Variants in WWOX observed in about 807,000 individuals in gnomAD.
WWOX encodes the protein WW domain containing oxidoreductase, also known as WW domain-containing oxidoreductase.
Under a neutral mutation model 46.2 loss-of-function variants are expected in WWOX, and 69 were observed. That is an observed-to-expected ratio of 1.49 (90% CI 1.23 to 1.82). The LOEUF is 1.82. WWOX is among the 40% of genes most tolerant of loss of function. The pLI, the probability that WWOX is intolerant of heterozygous loss-of-function variation, is 0.00. For missense variants in WWOX, 919 were observed against 542.6 expected, an observed-to-expected ratio of 1.69 and a Z score of -6.89; for synonymous variants, 359 against 202.6, an observed-to-expected ratio of 1.77 and a Z score of -6.56.
At chr16:78,150,302 C>A (rs1055801764) in intron 4 of WWOX, among the ~76,000 whole-genome samples, 1 of 152,184 alleles carries the variant, frequency 6.6e-6, no homozygotes, top group Admixed American at 6.5e-5. Flanking sequence ...ATACCCCCTC[C>A]CGGCATGCCC....
intron 8 of WWOX, among the ~76,000 whole-genome samples, chr16:79,170,312 C>T (rs746785941): frequency 6.6e-6 from 1 of 152,152 alleles, no homozygotes; most frequent in East Asian, 1.9e-4. Flanking sequence ...ATCAGAGAAG[C>T]TACGTGATCT....
intron 6 of WWOX, among the ~76,000 whole-genome samples, chr16:78,390,796 T>G (rs2082159435): frequency 6.6e-6 from 1 of 152,184 alleles, no homozygotes; most frequent in Non-Finnish European, 1.5e-5. Context: ...GTGTAAAACA[T>G]AATGACAAAT....
intron 8 of WWOX, among the ~76,000 whole-genome samples, chr16:79,027,153 G>A (rs1315257084): frequency 2.0e-5 from 3 of 151,208 alleles, no homozygotes; most frequent in Non-Finnish European, 4.4e-5. Context: ...GGTGGTACAT[G>A]CCTGTAGTCC....
chr16:78,488,077 T>C (rs1202852708), intron 8 of WWOX, among the ~76,000 whole-genome samples: 6 of 152,184 alleles, frequency 3.9e-5, no homozygotes, highest in Non-Finnish European at 7.3e-5. Context: ...TCCAGCCTAT[T>C]TTCTGAGCTG....
At chr16:79,133,067 A>G (rs1434575950) in intron 8 of WWOX, among the ~76,000 whole-genome samples, 2 of 152,184 alleles carry the variant, frequency 1.3e-5, no homozygotes, top group East Asian at 1.9e-4. Context: ...AAACACATAC[A>G]TGCAAGTGAC....
At chr16:78,597,874 C>T (rs957593536) in intron 8 of WWOX, among the ~76,000 whole-genome samples, 7 of 151,514 alleles carry the variant, frequency 4.6e-5, no homozygotes, top group South Asian at 2.1e-4. Flanking sequence ...TTATTCCCCT[C>T]GTCAGCATAC....
intron 8 of WWOX, among the ~76,000 whole-genome samples, chr16:78,628,942 G>T (rs1045652389): frequency 2.6e-5 from 4 of 152,116 alleles, no homozygotes; most frequent in Non-Finnish European, 5.9e-5. Context: ...TTTAGGAGAT[G>T]TTTCCGTTCT....
chr16:78,294,893 A>G (rs2151862926), intron 5 of WWOX, among the ~76,000 whole-genome samples: 1 of 152,142 alleles, frequency 6.6e-6, no homozygotes, highest in East Asian at 1.9e-4. Flanking sequence ...AAATGAATGA[A>G]TGTATGAGTG....
chr16:78,180,441 G>A (rs1477956999), intron 5 of WWOX, among the ~76,000 whole-genome samples: 5 of 152,078 alleles, frequency 3.3e-5, no homozygotes, highest in Non-Finnish European at 7.4e-5. Context: ...GGGGGTATAT[G>A]TTAGGGCTAG....
chr16:78,269,807 G>A lies in WWOX; in HGVS notation c.516+105518G>A, dbSNP rs185592255. Among the ~76,000 whole-genome samples the A allele has an allele frequency of 2.5e-3, 377 of 151,968 alleles. 2 individuals carry two copies. Among genetic ancestry groups the A allele is most frequent in the Non-Finnish European group, 3.1e-3 (212 of 67,988 alleles). On this transcript the variant is annotated intron_variant, in intron 5 of 8. Coordinates refer to ENST00000566780, the MANE Select transcript of WWOX (RefSeq NM_016373.4). Reference sequence around the variant, plus strand: ...GGCCGACATAACTGAAAATTGCTCAGGCTGTTTGAAAACACACACACACAG... The same window carrying A: ...GGCCGACATAACTGAAAATTGCTCAAGCTGTTTGAAAACACACACACACAG...
chr16:78,623,795 A>T (rs1305924926), intron 8 of WWOX, among the ~76,000 whole-genome samples: 2 of 152,114 alleles, frequency 1.3e-5, no homozygotes, highest in East Asian at 3.9e-4. Context: ...ATTTTCCACT[A>T]TGAATGAAGA....
chr16:78,497,800 T>G (rs1051967594), intron 8 of WWOX, among the ~76,000 whole-genome samples: 1 of 151,974 alleles, frequency 6.6e-6, no homozygotes, highest in African/African-American at 2.4e-5. Context: ...AATGAGAGGT[T>G]GTTTTATCAT....
intron 5 of WWOX, among the ~76,000 whole-genome samples, chr16:78,238,952 G>T (rs72790020): frequency 6.6e-6 from 1 of 151,062 alleles, no homozygotes; most frequent in Non-Finnish European, 1.5e-5. Context: ...TGAAGGCATC[G>T]GCCCCCAAGG....
At chr16:78,220,869 G>T (rs1473211519) in intron 5 of WWOX, among the ~76,000 whole-genome samples, 1 of 152,110 alleles carries the variant, frequency 6.6e-6, no homozygotes, top group Admixed American at 6.5e-5. Context: ...ATTCACTCTG[G>T]CAATTTCTTT....
intron 8 of WWOX, among the ~76,000 whole-genome samples, chr16:78,653,776 G>A (rs1209894173): frequency 6.6e-6 from 1 of 152,172 alleles, no homozygotes; most frequent in Non-Finnish European, 1.5e-5. Flanking sequence ...CTGTTAGTTT[G>A]GTGCAAAAGG....
chr16:78,214,737 T>A lies in WWOX; in HGVS notation c.516+50448T>A, dbSNP rs186388331. Among the ~76,000 whole-genome samples the A allele has an allele frequency of 5.9e-5, 9 of 152,324 alleles. No homozygotes were observed. In the East Asian group the frequency reaches 1.7e-3, roughly 29 times the overall value. On this transcript the variant is annotated intron_variant, in intron 5 of 8. Transcript: ENST00000566780. ...CATTCAGTTTGACCCTCAGTTGGCT[T>A]CATACTTTGATTTTATGTCTTTATT...
intron 8 of WWOX, among the ~76,000 whole-genome samples, chr16:78,436,924 C>A (rs540770934): frequency 6.6e-6 from 1 of 152,342 alleles, no homozygotes; most frequent in South Asian, 2.1e-4. Flanking sequence ...ATATAAGCCA[C>A]GCAGTTGCAT....
intron 6 of WWOX, among the ~76,000 whole-genome samples, chr16:78,406,331 T>TATAA (rs2082539616): frequency 2.1e-5 from 2 of 95,078 alleles, no homozygotes; most frequent in East Asian, 5.2e-4. Context: ...TATATATATA[T>TATAA]ATATATATAT....
intron 8 of WWOX, among the ~76,000 whole-genome samples, chr16:78,624,733 A>T (rs1314662761): frequency 6.6e-6 from 1 of 152,216 alleles, no homozygotes; most frequent in Non-Finnish European, 1.5e-5. Flanking sequence ...ATCATTTGGA[A>T]TTCTCCAGCA....
Sources: gnomAD v4.1 joint callset for allele counts (sites outside exome capture counted in the v4.1 genomes callset) on GRCh38, gnomAD v4.1.1 for gene constraint, MANE v1.5 for transcripts, NCBI Gene and HGNC (gene_info 2026-07-23, HGNC 2026-07-21) for gene names.